EWSR1: variants seen among roughly 807,000 people sequenced by gnomAD.
EWSR1 encodes the protein RNA-binding protein EWS.
A neutral mutation model predicts 92.1 loss-of-function variants in EWSR1; 14 were observed. The ratio of observed to expected loss-of-function variants is 0.15; its 90% confidence interval spans 0.10 to 0.24. The LOEUF (loss-of-function observed/expected upper bound fraction) is 0.24, where lower values mean the gene tolerates loss of function less well. Ranked by LOEUF, EWSR1 falls within the 10% of genes least tolerant of loss-of-function variation. EWSR1 has a pLI of 1.00. For synonymous variants in EWSR1, 303 were observed against 292.9 expected (o/e 1.03, Z -0.35); for missense variants, 637 against 870.9 (o/e 0.73, Z 3.38).
chr22:29,268,622 C>T (rs959693058), intron 1 of EWSR1, among the ~76,000 whole-genome samples: 2 of 152,122 alleles, frequency 1.3e-5, no homozygotes, highest in Admixed American at 6.5e-5. Context: ...GTGTGGCGGT[C>T]CTCGCGCCCT....
In EWSR1 at chr22:29,300,434, A is replaced by C; in HGVS notation, c.*273A>C. On this transcript the variant is annotated 3_prime_UTR_variant, in exon 17 of 17. Transcript: ENST00000397938. ...GAGCATGCTCAGTATCATTGTGGAG[A>C]ACCAAGAGGGCCTCTTAACTGTAAC... The C allele has an allele frequency of 2.8e-6, 1 of 361,170 alleles. No homozygotes were observed. The highest frequency in any genetic ancestry group is 5.0e-6 in the Non-Finnish European group (1 of 201,778). The allele number at this position is 361,170 out of a possible 1,614,324, so 22.4% of individuals were successfully genotyped here. A position where few individuals can be genotyped will look rare whatever the true frequency, so the allele number is the denominator to read the frequency against.
intron 4 of EWSR1, chr22:29,276,269 G>C (rs2059117416): frequency 4.3e-6 from 1 of 229,924 alleles, no homozygotes; most frequent in Non-Finnish European, 8.6e-6. Context: ...GTTGACCTTA[G>C]GACTCTGCAA....
intron 1 of EWSR1, 30 bp downstream of exon 1, chr22:29,268,379 G>A (rs932936416): frequency 2.5e-6 from 4 of 1,613,798 alleles, no homozygotes; most frequent in Admixed American, 1.7e-5. Context: ...GGTCGCGCCG[G>A]CGGTAGCCGG....
At chr22:29,290,212 G>T in intron 8 of EWSR1, 1 of 508,950 alleles carries the variant, frequency 2.0e-6, no homozygotes, top group South Asian at 3.2e-5. Flanking sequence ...GCAGTCTGTC[G>T]GATCCTGTGG....
intron 6 of EWSR1, among the ~76,000 whole-genome samples, chr22:29,285,777 C>T (rs973577928): frequency 2.0e-5 from 3 of 151,404 alleles, no homozygotes; most frequent in Non-Finnish European, 4.4e-5. Context: ...ATATTCTTGC[C>T]ACAATACAGG....
At chr22:29,276,498 A>G (rs982589034) in intron 4 of EWSR1, 4 of 222,700 alleles carry the variant, frequency 1.8e-5, no homozygotes, top group Non-Finnish European at 3.6e-5. Context: ...TGGTGATTGT[A>G]CAAAAGGAAG....
In EWSR1 at chr22:29,290,818, CCTTT is replaced by C. The variant is rs1385900447; in HGVS notation, c.975-743_975-740del. ...CTCAGGGCCTCCCACTGGGGAGCTG[CCTTT>C]ATTTAATTTTAAAGAAAACAAAATC... On this transcript the variant is annotated intron_variant, in intron 8 of 16. Coordinates refer to ENST00000397938, the MANE Select transcript of EWSR1 (RefSeq NM_005243.4). The C allele has an allele frequency of 1.6e-5, 7 of 437,044 alleles. No homozygotes were observed. The East Asian group carries it at 3.8e-4, about 23-fold the overall frequency. The allele number at this position is 437,044 out of a possible 1,614,324, so 27.1% of individuals were successfully genotyped here. A position where few individuals can be genotyped will look rare whatever the true frequency, so the allele number is the denominator to read the frequency against.
intron 4 of EWSR1, chr22:29,274,197 A>G (rs978728570): frequency 6.4e-7 from 1 of 1,553,186 alleles, no homozygotes; most frequent in Non-Finnish European, 8.9e-7. Flanking sequence ...TTAAAAATCA[A>G]ACTGGTTTTC....
At chr22:29,297,363 C>A (rs185830418) in intron 12 of EWSR1, among the ~76,000 whole-genome samples, 1 of 152,184 alleles carries the variant, frequency 6.6e-6, no homozygotes. Flanking sequence ...CCATGTTGGT[C>A]AGGCTGTAGG....
In EWSR1 at chr22:29,300,514, T is replaced by G. The variant is rs1376688491; in HGVS notation, c.*353T>G. 5 of 220,246 alleles carry G rather than the reference T, an allele frequency of 2.3e-5. No homozygotes were observed. Among genetic ancestry groups the G allele is most frequent in the East Asian group, 7.5e-5 (1 of 13,398 alleles). The allele number at this position is 220,246 out of a possible 1,614,324, so 13.6% of individuals were successfully genotyped here. A position where few individuals can be genotyped will look rare whatever the true frequency, so the allele number is the denominator to read the frequency against. On this transcript the variant is annotated 3_prime_UTR_variant, in exon 17 of 17. Transcript: ENST00000397938. ...TTTTTTAAATAAAATTCCAAATGTT[T>G]ATAAAGAGTCATCCTTCTCGGCCTC...
rs917981035 is a variant in EWSR1, at chr22:29,285,092, T to C, written c.582-1831T>C. 4.0e-5 allele frequency among the ~76,000 whole-genome samples: 6 copies of C among 150,122 alleles called. 1 individual carries two copies. Among genetic ancestry groups the C allele is most frequent in the Admixed American group, 1.3e-4 (2 of 15,174 alleles). Reference sequence around the variant, plus strand: ...TCTCTGCCTCCCAAAGTGCTGGGATTACAGGTGTGAGCCACTGCTTCTGGC... The same window carrying C: ...TCTCTGCCTCCCAAAGTGCTGGGATCACAGGTGTGAGCCACTGCTTCTGGC... On this transcript the variant is annotated intron_variant, in intron 6 of 16. Coordinates refer to ENST00000397938, the MANE Select transcript of EWSR1 (RefSeq NM_005243.4).
intron 4 of EWSR1, chr22:29,275,887 G>A (rs986090565): frequency 8.6e-6 from 2 of 231,242 alleles, no homozygotes; most frequent in Non-Finnish European, 1.7e-5. Context: ...GCACATAGTA[G>A]GTGTGTTTTC....
intron 12 of EWSR1, among the ~76,000 whole-genome samples, chr22:29,297,310 G>A (rs2060941495): frequency 1.3e-5 from 2 of 152,140 alleles, no homozygotes; most frequent in African/African-American, 4.8e-5. Context: ...ATGTCACCAC[G>A]CTGAGCCTAA....
At chr22:29,270,338 G>A (rs1312952228) in intron 1 of EWSR1, among the ~76,000 whole-genome samples, 1 of 152,198 alleles carries the variant, frequency 6.6e-6, no homozygotes, top group Non-Finnish European at 1.5e-5. Flanking sequence ...CAATCACAGT[G>A]AAGTGATTTT....
chr22:29,290,533 T>A lies in EWSR1; in HGVS notation c.975-1029T>A, dbSNP rs761262765. On this transcript the variant is annotated intron_variant, in intron 8 of 16. Transcript: ENST00000397938. Reference sequence around the variant, plus strand: ...GGTGTCCATATGGAGAGGAAAAATATACATAGAATATTTTTAACAAAATGT... The same window carrying A: ...GGTGTCCATATGGAGAGGAAAAATAAACATAGAATATTTTTAACAAAATGT... The A allele has an allele frequency of 1.4e-5, 22 of 1,585,910 alleles. No homozygotes were observed. The African/African-American group carries it at 2.9e-4, about 21-fold the overall frequency.
chr22:29,299,861 G>A lies in EWSR1; in HGVS notation c.1931+10G>A, dbSNP rs1212047102. On this transcript the variant is annotated intron_variant, in intron 16 of 16. Coordinates refer to ENST00000397938, the MANE Select transcript of EWSR1 (RefSeq NM_005243.4). ...CTGGAAAAATGGATAAGTAAGTGCT[G>A]GTGAAAAGCAGCTGTGGGCCGCCAG... 2 of 1,535,944 alleles carry A rather than the reference G, an allele frequency of 1.3e-6. No homozygotes were observed. Among genetic ancestry groups the A allele is most frequent in the Non-Finnish European group, 1.8e-6 (2 of 1,139,932 alleles).
intron 5 of EWSR1, among the ~76,000 whole-genome samples, chr22:29,279,406 C>T (rs888863983): frequency 2.0e-5 from 3 of 152,214 alleles, no homozygotes; most frequent in African/African-American, 7.2e-5. Flanking sequence ...GACATGACTT[C>T]CCTACATTGT....
At chr22:29,280,893 T>G (rs1424069356) in intron 5 of EWSR1, among the ~76,000 whole-genome samples, 2 of 95,290 alleles carry the variant, frequency 2.1e-5, no homozygotes, top group African/African-American at 4.0e-5. Context: ...TTTTTTTTTT[T>G]TTTTTTGACA....
chr22:29,296,298 G>A lies in EWSR1; in HGVS notation c.1224G>A (p.Lys408=). 1 of 1,614,228 alleles carries A rather than the reference G, an allele frequency of 6.2e-7. No homozygotes were observed. The highest frequency in any genetic ancestry group is 8.5e-7 in the Non-Finnish European group (1 of 1,180,024). The change falls in exon 12 of 17, where the codon AAG becomes AAA. Residue 408 remains lysine, a synonymous_variant. Coordinates refer to ENST00000397938, the MANE Select transcript of EWSR1 (RefSeq NM_005243.4). Reference sequence around the variant, plus strand: ...TCTACCTGGACAAGGAAACAGGAAAGCCCAAAGGCGATGCCACAGTGTCCT... The same window carrying A: ...TCTACCTGGACAAGGAAACAGGAAAACCCAAAGGCGATGCCACAGTGTCCT... ...IHIYLDKETG[K]PKGDATVSYE... is the part of the protein sequence containing the mutation.
Sources: gnomAD v4.1 joint callset for allele counts (sites outside exome capture counted in the v4.1 genomes callset) on GRCh38, gnomAD v4.1.1 for gene constraint, MANE v1.5 for transcripts, NCBI Gene and HGNC (gene_info 2026-07-23, HGNC 2026-07-21) for gene names.